Variants in SLC17A6 observed in about 807,000 individuals in gnomAD.
SLC17A6 encodes the protein solute carrier family 17 member 6.
Under a neutral mutation model 67.1 loss-of-function variants are expected in SLC17A6, and 35 were observed. That is an observed-to-expected ratio of 0.52 (90% CI 0.40 to 0.69). The LOEUF is 0.69. Among genes scored for constraint, SLC17A6 ranks in the 30% least tolerant of loss-of-function variants. The pLI is 0.00. For synonymous variants in SLC17A6, 285 were observed against 252.3 expected (o/e 1.13, Z -1.23); for missense variants, 588 against 723.9 (o/e 0.81, Z 2.15).
At chr11:22,357,718 A>G (rs546171264) in intron 3 of SLC17A6, among the ~76,000 whole-genome samples, 1 of 152,388 alleles carries the variant, frequency 6.6e-6, no homozygotes, top group Admixed American at 6.5e-5. Flanking sequence ...AATAAAATTT[A>G]TTCATCGTAC....
chr11:22,341,821 A>G, intron 2 of SLC17A6, 41 bp downstream of exon 2: 3 of 1,603,672 alleles, frequency 1.9e-6, no homozygotes, highest in Non-Finnish European at 2.6e-6. Context: ...CCCTTCGGCC[A>G]TGCGGCCTCG....
chr11:22,373,860 A>G (rs1856200829), intron 8 of SLC17A6, among the ~76,000 whole-genome samples: 1 of 152,188 alleles, frequency 6.6e-6, no homozygotes, highest in Non-Finnish European at 1.5e-5. Context: ...ACACCAGTGT[A>G]AAATAAAATG....
chr11:22,373,582 G>T (rs1488380353), intron 8 of SLC17A6, among the ~76,000 whole-genome samples: 2 of 151,854 alleles, frequency 1.3e-5, no homozygotes, highest in African/African-American at 4.8e-5. Flanking sequence ...GATTTTATTT[G>T]ATTTTTCCTT....
rs60197884 is a variant in SLC17A6, at chr11:22,339,181, T to TTATA, written c.86+582_86+585dup. On this transcript the variant is annotated intron_variant, in intron 1 of 11. Coordinates refer to ENST00000263160, the MANE Select transcript of SLC17A6 (RefSeq NM_020346.3). The stretch of plus-strand genomic sequence containing the variant: ...TATATATATGTTATATATATATGTT[T>TTATA]TATATATATATATATATATATATGT... Among the ~76,000 whole-genome samples the TTATA allele has an allele frequency of 3.6e-3, 302 of 82,804 alleles. 25 individuals are homozygous for TTATA. Among genetic ancestry groups the TTATA allele is most frequent in the African/African-American group, 8.2e-3 (151 of 18,486 alleles). The allele number at this position is 82,804 out of a possible 152,430, so 54.3% of individuals were successfully genotyped here.
chr11:22,341,873 G>A, intron 2 of SLC17A6, 93 bp downstream of exon 2: 1 of 1,530,006 alleles, frequency 6.5e-7, no homozygotes, highest in African/African-American at 1.4e-5. Context: ...CCCCGCCACT[G>A]AGAGGAAGGT....
In SLC17A6 at chr11:22,373,700, AT is replaced by A. The variant is rs200103584; in HGVS notation, c.1042-1047del. Among the ~76,000 whole-genome samples the A allele has an allele frequency of 1.6e-3, 244 of 152,152 alleles. 4 individuals carry two copies. In the East Asian group the frequency reaches 0.038, roughly 24 times the overall value. ...AATCACTTAAGTCTTCTGACTCTAAATTTTTTTTATTTAATAAGAACACTAT... is the reference window on the plus strand; with the variant it reads ...AATCACTTAAGTCTTCTGACTCTAAATTTTTTTATTTAATAAGAACACTAT... On this transcript the variant is annotated intron_variant, in intron 8 of 11. Coordinates refer to ENST00000263160, the MANE Select transcript of SLC17A6 (RefSeq NM_020346.3).
At chr11:22,376,130 C>G in intron 10 of SLC17A6, 38 bp downstream of exon 10, 2 of 1,368,108 alleles carry the variant, frequency 1.5e-6, no homozygotes, top group Non-Finnish European at 2.1e-6. Context: ...TTGGGACATT[C>G]TGATTTTGAC....
intron 3 of SLC17A6, among the ~76,000 whole-genome samples, chr11:22,343,933 A>G (rs1378268167): frequency 6.6e-6 from 1 of 152,206 alleles, no homozygotes; most frequent in East Asian, 1.9e-4. Context: ...GGGAGCCCTC[A>G]GCTGCTTTCA....
At chr11:22,369,698 C>T (rs1171332456) in intron 7 of SLC17A6, among the ~76,000 whole-genome samples, 2 of 151,440 alleles carry the variant, frequency 1.3e-5, no homozygotes, top group Non-Finnish European at 3.0e-5. Context: ...GAGATATGGT[C>T]TATCACCATT....
Position 22,379,459 on chromosome 11 carries a change from C to G in SLC17A6, c.*1719C>G, listed in dbSNP as rs1856271965. On this transcript the variant is annotated 3_prime_UTR_variant, in exon 12 of 12. Coordinates refer to ENST00000263160, the MANE Select transcript of SLC17A6 (RefSeq NM_020346.3). The stretch of plus-strand genomic sequence containing the variant: ...TATGTGGACTGTCATTTTGTTGCAG[C>G]AAAAAAGTGTTAATAAAATGCTCTA... 2 of 151,858 alleles carry G rather than the reference C, an allele frequency of 1.3e-5. No homozygotes were observed. Among genetic ancestry groups the G allele is most frequent in the South Asian group, 4.2e-4 (2 of 4,788 alleles). 9.4% of individuals were successfully genotyped at this position (151,858 alleles called of 1,614,324 possible). A position where few individuals can be genotyped will look rare whatever the true frequency, so the allele number is the denominator to read the frequency against.
chr11:22,343,583 C>G (rs1855843865), intron 3 of SLC17A6, among the ~76,000 whole-genome samples: 1 of 152,160 alleles, frequency 6.6e-6, no homozygotes, highest in Non-Finnish European at 1.5e-5. Context: ...CCAGCGCACG[C>G]GGCCTCCTTC....
chr11:22,362,447 G>C (rs1856063619), intron 5 of SLC17A6, among the ~76,000 whole-genome samples: 1 of 152,194 alleles, frequency 6.6e-6, no homozygotes, highest in Non-Finnish European at 1.5e-5. Flanking sequence ...CCAGCACACA[G>C]ACATGCAGGA....
At position 22,365,305 on chromosome 11, in the gene SLC17A6, T is replaced by C. The variant is rs1222046929; in HGVS notation, c.749-242T>C. On this transcript the variant is annotated intron_variant, in intron 6 of 11. Transcript: ENST00000263160. Reference sequence around the variant, plus strand: ...ACTACACCATTCTAATAATTATTTATGGCTTATTGTATATCAGTGCTATTT... The same window carrying C: ...ACTACACCATTCTAATAATTATTTACGGCTTATTGTATATCAGTGCTATTT... Among the ~76,000 whole-genome samples, 3 of 152,216 alleles carry C rather than the reference T, an allele frequency of 2.0e-5. No homozygotes were observed. In the East Asian group the frequency reaches 5.8e-4, roughly 29 times the overall value.
intron 8 of SLC17A6, among the ~76,000 whole-genome samples, chr11:22,371,959 A>C (rs1856179770): frequency 6.6e-6 from 1 of 152,076 alleles, no homozygotes; most frequent in African/African-American, 2.4e-5. Context: ...ATTGGTATAT[A>C]ATCTTGGGCA....
rs1232532082 is a variant in SLC17A6 at position 22,358,158 on chromosome 11, G to A, written c.459-1255G>A. Among the ~76,000 whole-genome samples, 3 of 152,124 alleles carry A rather than the reference G, an allele frequency of 2.0e-5. No individual in the cohort carries two copies. In the East Asian group the frequency reaches 5.8e-4, roughly 29 times the overall value. On this transcript the variant is annotated intron_variant, in intron 3 of 11. Transcript: ENST00000263160. ...TTCTATGAGGCAACCAACATTGACT[G>A]AATTTAAGGCTCGTGTTTGGCTTGA... is the stretch of plus-strand genomic sequence containing the variant.
rs1476440999 is a variant in SLC17A6 at position 22,376,680 on chromosome 11, G to A, written c.1413+8G>A. Reference sequence around the variant, plus strand: ...GCAATGACAAAGAATAAGGTAAGATGGTCAAAACAGATGTTTAGTCATAGA... The same window carrying A: ...GCAATGACAAAGAATAAGGTAAGATAGTCAAAACAGATGTTTAGTCATAGA... On this transcript the variant is annotated splice_region_variant and intron_variant, in intron 11 of 11. Coordinates refer to ENST00000263160, the MANE Select transcript of SLC17A6 (RefSeq NM_020346.3). The A allele has an allele frequency of 6.2e-7, 1 of 1,613,020 alleles. No individual in the cohort carries two copies. The highest frequency in any genetic ancestry group is 8.5e-7 in the Non-Finnish European group (1 of 1,179,470).
At chr11:22,339,161 ATATGTTATATATATATGTTT>A (rs1855780542) in intron 1 of SLC17A6, among the ~76,000 whole-genome samples, 1 of 57,126 alleles carries the variant, frequency 1.8e-5, no homozygotes, top group Non-Finnish European at 3.1e-5. Context: ...AGTTATATAT[ATATGTTATATATATATGTTT>A]TATATATATA....
At chr11:22,349,886 T>C (rs1188694600) in intron 3 of SLC17A6, among the ~76,000 whole-genome samples, 1 of 152,228 alleles carries the variant, frequency 6.6e-6, no homozygotes, top group Non-Finnish European at 1.5e-5. Context: ...GTCAGTCTGC[T>C]GCAGACCCTC....
chr11:22,357,010 A>G (rs973173254), intron 3 of SLC17A6, among the ~76,000 whole-genome samples: 1 of 152,246 alleles, frequency 6.6e-6, no homozygotes, highest in African/African-American at 2.4e-5. Context: ...TTAAATTTAC[A>G]GTTTGAATGC....
Sources: gnomAD v4.1 joint callset for allele counts (sites outside exome capture counted in the v4.1 genomes callset) on GRCh38, gnomAD v4.1.1 for gene constraint, MANE v1.5 for transcripts, NCBI Gene and HGNC (gene_info 2026-07-23, HGNC 2026-07-21) for gene names.